Variants in HABP2 observed in about 807,000 individuals in gnomAD.
HABP2 encodes factor VII-activating protease.
A neutral mutation model predicts 66.5 loss-of-function variants in HABP2; 65 were observed. That is an observed-to-expected ratio of 0.98 (90% confidence interval 0.80 to 1.20). HABP2 has a LOEUF of 1.20. HABP2 is among the 50% of genes most tolerant of loss of function. The pLI is 0.00. For synonymous variants in HABP2, 263 were observed against 253.9 expected (o/e 1.04, Z -0.34); for missense variants, 786 against 691.0 (o/e 1.14, Z -1.54).
At chr10:113,567,247 G>A (rs1488447547) in intron 1 of HABP2, among the ~76,000 whole-genome samples, 3 of 152,160 alleles carry the variant, frequency 2.0e-5, no homozygotes, top group Admixed American at 6.5e-5. Flanking sequence ...CAACTGACAC[G>A]AACCCCTGCT....
chr10:113,572,764 G>A, intron 2 of HABP2: 1 of 444,334 alleles, frequency 2.3e-6, no homozygotes, highest in Non-Finnish European at 4.5e-6. Context: ...TCATAGTGGG[G>A]AAAAGCACTT....
intron 1 of HABP2, among the ~76,000 whole-genome samples, chr10:113,555,171 G>A (rs960845251): frequency 1.3e-5 from 2 of 152,194 alleles, no homozygotes; most frequent in African/African-American, 4.8e-5. Flanking sequence ...AACTTTCCAT[G>A]AATTGGTTCA....
At chr10:113,561,803 T>C (rs758961024) in intron 1 of HABP2, among the ~76,000 whole-genome samples, 3 of 152,176 alleles carry the variant, frequency 2.0e-5, no homozygotes, top group East Asian at 1.9e-4. Context: ...TCCAGAAGTT[T>C]TGGAATTCTG....
chr10:113,571,195 G>A (rs1421496606), intron 2 of HABP2, among the ~76,000 whole-genome samples: 2 of 152,142 alleles, frequency 1.3e-5, no homozygotes, highest in East Asian at 3.9e-4. Flanking sequence ...AGTTCTTCTG[G>A]GCTGCATCGG....
Position 113,578,882 on chromosome 10 carries a change from G to A in HABP2, c.740+84G>A. On this transcript the variant is annotated intron_variant, in intron 7 of 12. Transcript: ENST00000351270. ...TTGAAATTCATCAGCCTCCTTTCTA[G>A]GAAGATTTTCTTACTCAGCAAGGCA... 3.2e-6 allele frequency: 3 copies of A among 949,918 alleles called. No homozygotes were observed. In the South Asian group the frequency reaches 4.4e-5, roughly 14 times the overall value. 58.8% of individuals were successfully genotyped at this position (949,918 alleles called of 1,614,324 possible).
chr10:113,581,336 A>G (rs1336152064), intron 8 of HABP2, among the ~76,000 whole-genome samples: 3 of 152,232 alleles, frequency 2.0e-5, no homozygotes, highest in Non-Finnish European at 2.9e-5. Flanking sequence ...GCCTCCTTAC[A>G]AACCCTAAGG....
In HABP2 at chr10:113,588,503, A is replaced by C; in HGVS notation, c.*134A>C. ...ACTATCCCTACTCTAAGCAGAGACAACTGCCACCCAGCCTGGGCCTTCCCA... is the reference window on the plus strand; with the variant it reads ...ACTATCCCTACTCTAAGCAGAGACACCTGCCACCCAGCCTGGGCCTTCCCA... On this transcript the variant is annotated 3_prime_UTR_variant, in exon 13 of 13. Transcript: ENST00000351270. 2 of 629,244 alleles carry C rather than the reference A, an allele frequency of 3.2e-6. No homozygotes were observed. The highest frequency in any genetic ancestry group is 4.9e-5 in the South Asian group (2 of 40,912). 39.0% of individuals were successfully genotyped at this position (629,244 alleles called of 1,614,324 possible).
intron 2 of HABP2, among the ~76,000 whole-genome samples, chr10:113,568,876 C>T (rs971064153): frequency 6.6e-6 from 1 of 152,154 alleles, no homozygotes; most frequent in Admixed American, 6.5e-5. Flanking sequence ...CTGCCAGCTG[C>T]CAGAAAGTTG....
chr10:113,586,811 G>A (rs542827554), intron 12 of HABP2, among the ~76,000 whole-genome samples: 107 of 152,208 alleles, frequency 7.0e-4, no homozygotes, highest in African/African-American at 2.4e-3. Flanking sequence ...CTCCTTCAGG[G>A]AGCCTCCCCG....
intron 5 of HABP2, among the ~76,000 whole-genome samples, 199 bp downstream of exon 5, chr10:113,577,465 A>G (rs972897221): frequency 2.0e-5 from 3 of 152,002 alleles, no homozygotes; most frequent in African/African-American, 7.3e-5. Context: ...GTCCCTTCCC[A>G]CCCAAAAAGA....
rs11327736 is a variant in HABP2 at position 113,579,094 on chromosome 10, C to CAA, written c.740+311_740+312dup. On this transcript the variant is annotated intron_variant, in intron 7 of 12. Coordinates refer to ENST00000351270, the MANE Select transcript of HABP2 (RefSeq NM_004132.5). Reference sequence around the variant, plus strand: ...CAAAATGGCAAAACCCCGTCTCTACCAAAAAAAAAAAAAAAATAGCTGAAT... The same window carrying CAA: ...CAAAATGGCAAAACCCCGTCTCTACCAAAAAAAAAAAAAAAAAATAGCTGAAT... 4.6e-3 allele frequency among the ~76,000 whole-genome samples: 579 copies of CAA among 126,962 alleles called. 3 individuals are homozygous for CAA. The highest frequency in any genetic ancestry group is 9.7e-3 in the African/African-American group (336 of 34,498). The allele number at this position is 126,962 out of a possible 152,430, so 83.3% of individuals were successfully genotyped here.
rs1592709623 is a variant in HABP2 at position 113,589,414 on chromosome 10, T to C, written c.*1045T>C. ...GGGCTGCCCTGGCCCGGGATTGATGTAGCCCCGGTAGGTTTGCCTCTGCAG... is the reference window on the plus strand; with the variant it reads ...GGGCTGCCCTGGCCCGGGATTGATGCAGCCCCGGTAGGTTTGCCTCTGCAG... On this transcript the variant is annotated 3_prime_UTR_variant, in exon 13 of 13. Transcript: ENST00000351270. 6 of 583,654 alleles carry C rather than the reference T, an allele frequency of 1.0e-5. No homozygotes were observed. The Middle Eastern group carries it at 1.4e-3, about 133-fold the overall frequency. 36.2% of individuals were successfully genotyped at this position (583,654 alleles called of 1,614,324 possible). A position where few individuals can be genotyped will look rare whatever the true frequency, so the allele number is the denominator to read the frequency against.
intron 1 of HABP2, among the ~76,000 whole-genome samples, chr10:113,556,691 G>A (rs958183670): frequency 1.4e-4 from 21 of 150,938 alleles, no homozygotes; most frequent in African/African-American, 5.1e-4. Context: ...TCCTGCCTTG[G>A]CAACAGAGCA....
intron 1 of HABP2, among the ~76,000 whole-genome samples, chr10:113,560,440 C>T (rs1845079910): frequency 6.6e-6 from 1 of 152,148 alleles, no homozygotes; most frequent in Non-Finnish European, 1.5e-5. Flanking sequence ...AATGGTGCAG[C>T]CACTGTGGAA....
chr10:113,564,972 G>A (rs914743649), intron 1 of HABP2, among the ~76,000 whole-genome samples: 7 of 151,822 alleles, frequency 4.6e-5, no homozygotes, highest in Admixed American at 1.3e-4. Context: ...TCAGCCTCCC[G>A]AGTAGCTAGG....
intron 1 of HABP2, among the ~76,000 whole-genome samples, chr10:113,556,807 T>TTA (rs1234876068): frequency 1.8e-5 from 1 of 56,908 alleles, no homozygotes; most frequent in Non-Finnish European, 3.5e-5. Flanking sequence ...TTTTATTCTT[T>TTA]TTTTTTTTTT....
intron 1 of HABP2, among the ~76,000 whole-genome samples, chr10:113,563,119 T>C (rs1357237443): frequency 6.6e-6 from 1 of 152,220 alleles, no homozygotes; most frequent in African/African-American, 2.4e-5. Flanking sequence ...TGATGGCACA[T>C]TGTCAGCTCT....
At chr10:113,586,906 C>T (rs1236289828) in intron 12 of HABP2, among the ~76,000 whole-genome samples, 1 of 152,200 alleles carries the variant, frequency 6.6e-6, no homozygotes, top group East Asian at 1.9e-4. Flanking sequence ...GTTTGTGGCT[C>T]TCCTGTGACT....
At chr10:113,573,249 G>T (rs11575739) in intron 2 of HABP2, among the ~76,000 whole-genome samples, 3 of 152,132 alleles carry the variant, frequency 2.0e-5, no homozygotes, top group African/African-American at 7.2e-5. Flanking sequence ...GGATCTCCCC[G>T]CCAAGGCCCC....
Sources: gnomAD v4.1 joint callset for allele counts (sites outside exome capture counted in the v4.1 genomes callset) on GRCh38, gnomAD v4.1.1 for gene constraint, MANE v1.5 for transcripts, NCBI Gene and HGNC (gene_info 2026-07-23, HGNC 2026-07-21) for gene names.